The following PNPLA6 variants were observed in gnomAD, a reference collection of about 807,000 sequenced individuals.
The protein encoded by PNPLA6 is patatin like domain 6, lysophospholipase, also known as patatin-like phospholipase domain-containing protein 6.
In PNPLA6, 105 loss-of-function variants were observed where a neutral mutation model predicts 153.7. The observed-to-expected ratio is 0.68, with a 90% confidence interval of 0.58 to 0.80. The LOEUF (loss-of-function observed/expected upper bound fraction) is 0.80. Ranked by LOEUF, PNPLA6 falls within the 30% of genes least tolerant of loss-of-function variation. The probability of loss-of-function intolerance (pLI) is 0.00; values close to 1 mark genes in which losing one functional copy is unlikely to be tolerated. For missense variants in PNPLA6, 1,423 were observed against 1,919.3 expected (o/e 0.74, Z 4.83); for synonymous variants, 825 against 822.2 (o/e 1.00, Z -0.06).
rs747377799 is a variant in PNPLA6, at chr19:7,561,026, C to T, written c.3829C>T (p.Pro1277Ser). The change falls in exon 30 of 32, where the codon CCA (proline) becomes TCA (serine). Residue 1277 changes from proline to serine, a missense_variant. Pro to Ser is a moderately conservative substitution (Grantham distance 74). Around this residue, in one of 10 missense-constraint regions of PNPLA6, gnomAD observed 643 missense variants for 835.2 expected, o/e 0.77. Coordinates refer to ENST00000600737, the MANE Select transcript of PNPLA6 (RefSeq NM_001166114.2). ...TGTCACCCCACAGGTGCTTGCCTTC[C>T]CAAGCTCTGGCTTCACTGACTTGGC... ...ESRRADVLAFPSSGFTDLAEI... is the reference protein window; with the variant it reads ...ESRRADVLAFSSSGFTDLAEI... 2 of 1,611,596 alleles carry T rather than the reference C, an allele frequency of 1.2e-6. No homozygotes were observed.
intron 27 of PNPLA6, among the ~76,000 whole-genome samples, chr19:7,558,575 C>T (rs189426788): frequency 3.3e-5 from 5 of 152,164 alleles, no homozygotes; most frequent in African/African-American, 7.2e-5. Context: ...GAGGTTGCAT[C>T]GAGCCCAGAT....
chr19:7,548,801 CTTTTT>C (rs1159787936), intron 13 of PNPLA6, among the ~76,000 whole-genome samples: 1 of 67,230 alleles, frequency 1.5e-5, no homozygotes, highest in African/African-American at 4.6e-5. Context: ...AAAAATTTTT[CTTTTT>C]TTTTTTTTTT....
chr19:7,555,626 G>T lies in PNPLA6; in HGVS notation c.2956G>T (p.Val986Leu). 1 of 1,612,482 alleles carries T rather than the reference G, an allele frequency of 6.2e-7. No homozygotes were observed. ...CGGCAGGGGCTGCTCGCACATCGGA[G>T]TACTAAAGGCATTAGAGGAGGCGGG... ...GGARGCSHIG[V>L]LKALEEAGVP... Residue 986 changes from valine (V) to leucine (L), a missense_variant, in exon 24 of 32, where the codon GTA becomes TTA. Around this residue, in one of 10 missense-constraint regions of PNPLA6, gnomAD observed 643 missense variants for 835.2 expected, o/e 0.77. Transcript: ENST00000600737. This position sits in a 1 kb window ranked among gnomAD's most constrained non-coding sequence, Gnocchi z 6.3.
In PNPLA6 at chr19:7,540,769, AGGTTGAAGGAAATCACAG is replaced by A; in HGVS notation, c.795+63_795+80del. ...GGTGCAAGGTCCCACCCAAGGGACT[AGGTTGAAGGAAATCACAG>A]GGTCCCCAATCTCTGGTTCATCCGT... On this transcript the variant is annotated intron_variant, in intron 6 of 31. Transcript: ENST00000600737. The surrounding 1 kb of genome is among the most constrained non-coding windows in gnomAD (Gnocchi z 6.8). 6.5e-7 allele frequency: 1 copy of A among 1,539,900 alleles called. No individual in the cohort carries two copies.
chr19:7,554,991 G>C lies in PNPLA6; in HGVS notation c.2733G>C (p.Trp911Cys). 6.3e-7 allele frequency: 1 copy of C among 1,594,106 alleles called. No homozygotes were observed. Among genetic ancestry groups the C allele is most frequent in the East Asian group, 2.2e-5 (1 of 44,688 alleles). Reference sequence around the variant, plus strand: ...CGGGCCCCACGCGCACCGTGGAGTGGCTAAATATGCGCAGCTGGTGCTCGG... The same window carrying C: ...CGGGCCCCACGCGCACCGTGGAGTGCCTAAATATGCGCAGCTGGTGCTCGG... The part of the protein sequence containing the change: ...EGAGPTRTVE[W>C]LNMRSWCSGH... Residue 911 changes from tryptophan to cysteine, a missense_variant, in exon 22 of 32, where the codon TGG (tryptophan) becomes TGC (cysteine). Transcript: ENST00000600737.
chr19:7,546,476 C>CA (rs1377213859), intron 13 of PNPLA6, among the ~76,000 whole-genome samples: 2 of 151,628 alleles, frequency 1.3e-5, no homozygotes, highest in African/African-American at 2.4e-5. Context: ...AAAAAACAAA[C>CA]AAAAAAAATT....
chr19:7,546,410 CTT>C (rs776022439), intron 13 of PNPLA6, among the ~76,000 whole-genome samples: 55 of 152,128 alleles, frequency 3.6e-4, no homozygotes, highest in Non-Finnish European at 6.8e-4. Context: ...GGGAGGATCT[CTT>C]GAGTCCAGGA....
intron 13 of PNPLA6, among the ~76,000 whole-genome samples, chr19:7,546,527 G>T (rs1035106405): frequency 6.6e-6 from 1 of 152,150 alleles, no homozygotes; most frequent in South Asian, 2.1e-4. Context: ...CCAGCTACAC[G>T]GGAAGCTGAG....
In PNPLA6 at chr19:7,536,292, G is replaced by C. The variant is rs746162865; in HGVS notation, c.315+19G>C. The C allele has an allele frequency of 2.5e-6, 4 of 1,594,588 alleles. No homozygotes were observed. The Admixed American group carries it at 6.7e-5, about 27-fold the overall frequency. On this transcript the variant is annotated intron_variant, in intron 2 of 31. Transcript: ENST00000600737. ...GCGGAAGGTGAGTCCGGGACCCCTG[G>C]GGTCCGCCCTGACCACACAGAGGCC...
At chr19:7,553,035 TG>T (rs961487207) in intron 18 of PNPLA6, among the ~76,000 whole-genome samples, 1 of 50,366 alleles carries the variant, frequency 2.0e-5, no homozygotes, top group African/African-American at 8.0e-5. Flanking sequence ...TGATGGGGGT[TG>T]GGGGGTAAGT....
In PNPLA6 at chr19:7,556,433, G is replaced by T; in HGVS notation, c.3094-20G>T. ...CCCCATGTAACTCCTATTTGACCCT[G>T]TCTGGCCCCTTGTCCCTAGAGCATG... On this transcript the variant is annotated intron_variant, in intron 24 of 31. Transcript: ENST00000600737. 4.7e-6 allele frequency: 7 copies of T among 1,495,734 alleles called. No homozygotes were observed. Among genetic ancestry groups the T allele is most frequent in the Non-Finnish European group, 5.6e-6 (6 of 1,072,136 alleles). 92.7% of individuals were successfully genotyped at this position (1,495,734 alleles called of 1,614,324 possible). A position where few individuals can be genotyped will look rare whatever the true frequency, so the allele number is the denominator to read the frequency against.
upstream of PNPLA6, chr19:7,535,588 G>A (rs764534459): frequency 1.2e-6 from 2 of 1,603,460 alleles, no homozygotes; most frequent in South Asian, 2.2e-5. The surrounding 1 kb of genome is among the most constrained non-coding windows in gnomAD (Gnocchi z 5.0). Flanking sequence ...GTAAGGGGTG[G>A]GGCGGAGACC....
Position 7,536,560 on chromosome 19 carries a change from G to C in PNPLA6, c.413+14G>C. 1 of 1,557,988 alleles carries C rather than the reference G, an allele frequency of 6.4e-7. No individual in the cohort carries two copies. The highest frequency in any genetic ancestry group is 1.1e-5 in the South Asian group (1 of 89,936). On this transcript the variant is annotated intron_variant, in intron 3 of 31. Coordinates refer to ENST00000600737, the MANE Select transcript of PNPLA6 (RefSeq NM_001166114.2). ...CATTGCCAAGAAGTAAGGCTGTGCT[G>C]GGTGTGACCTGGTATTAGGGGTTAT... is the stretch of plus-strand genomic sequence containing the variant.
intron 13 of PNPLA6, among the ~76,000 whole-genome samples, chr19:7,548,514 C>T (rs991355278): frequency 1.3e-5 from 2 of 152,000 alleles, no homozygotes; most frequent in African/African-American, 2.4e-5. Context: ...GCAGGGTGGA[C>T]AAGCTTGCTT....
Position 7,555,387 on chromosome 19 carries a change from T to C in PNPLA6, c.2936+20T>C. On this transcript the variant is annotated intron_variant, in intron 23 of 31. Coordinates refer to ENST00000600737, the MANE Select transcript of PNPLA6 (RefSeq NM_001166114.2). The surrounding 1 kb of genome is among the most constrained non-coding windows in gnomAD (Gnocchi z 6.3). Reference sequence around the variant, plus strand: ...GGCCAGGTGAGGGCGGGGCTTGCTCTCTGGGGGCGGGGCCTGGATGTCCGA... The same window carrying C: ...GGCCAGGTGAGGGCGGGGCTTGCTCCCTGGGGGCGGGGCCTGGATGTCCGA... The C allele has an allele frequency of 1.5e-6, 2 of 1,363,404 alleles. No individual in the cohort carries two copies. Among genetic ancestry groups the C allele is most frequent in the Middle Eastern group, 3.7e-4 (2 of 5,360 alleles). 84.5% of individuals were successfully genotyped at this position (1,363,404 alleles called of 1,614,324 possible). A position where few individuals can be genotyped will look rare whatever the true frequency, so the allele number is the denominator to read the frequency against.
chr19:7,540,277 A>C lies in PNPLA6; in HGVS notation c.683A>C (p.Asp228Ala). 1 of 1,607,898 alleles carries C rather than the reference A, an allele frequency of 6.2e-7. No homozygotes were observed. ...GATGCCAGCATCTACGTGGTGCAGGACGGGCTGCTGGAGCTCTGTCTGCCA... is the reference window on the plus strand; with the variant it reads ...GATGCCAGCATCTACGTGGTGCAGGCCGGGCTGCTGGAGCTCTGTCTGCCA... ...QPDASIYVVQDGLLELCLPGP... is the reference protein window; with the variant it reads ...QPDASIYVVQAGLLELCLPGP... Residue 228 changes from aspartate to alanine, a missense_variant, in exon 5 of 32, where the codon GAC (aspartate) becomes GCC (alanine). Physicochemically the swap from Asp to Ala is moderately radical, Grantham distance 126. Around this residue, in one of 10 missense-constraint regions of PNPLA6, gnomAD observed 118 missense variants for 158.8 expected, o/e 0.74. Coordinates refer to ENST00000600737, the MANE Select transcript of PNPLA6 (RefSeq NM_001166114.2). This position sits in a 1 kb window ranked among gnomAD's most constrained non-coding sequence, Gnocchi z 6.8.
rs747176265 is a variant in PNPLA6, at chr19:7,557,298, C to G, written c.3397+14C>G. 6.8e-7 allele frequency: 1 copy of G among 1,467,542 alleles called. No homozygotes were observed. The highest frequency in any genetic ancestry group is 1.4e-5 in the African/African-American group (1 of 72,300). 90.9% of individuals were successfully genotyped at this position (1,467,542 alleles called of 1,614,324 possible). A position where few individuals can be genotyped will look rare whatever the true frequency, so the allele number is the denominator to read the frequency against. On this transcript the variant is annotated intron_variant, in intron 27 of 31. Transcript: ENST00000600737. Reference sequence around the variant, plus strand: ...ACAATCTGCCAGGCAAGTGGCCGCCCGCACCACCCGCACACGCAAGCACCT... The same window carrying G: ...ACAATCTGCCAGGCAAGTGGCCGCCGGCACCACCCGCACACGCAAGCACCT...
intron 18 of PNPLA6, among the ~76,000 whole-genome samples, chr19:7,552,604 A>T (rs538760875): frequency 3.0e-4 from 46 of 151,780 alleles, no homozygotes; most frequent in Non-Finnish European, 4.9e-4. Flanking sequence ...AAAGTACAAA[A>T]ATTAGTCGGG....
chr19:7,546,273 T>TG (rs544571640), intron 13 of PNPLA6, among the ~76,000 whole-genome samples: 8 of 152,144 alleles, frequency 5.3e-5, no homozygotes, highest in East Asian at 3.9e-4. Flanking sequence ...CAATATTTTT[T>TG]GGGGGGGTGT....
Sources: allele counts gnomAD v4.1 joint callset (sites outside exome capture counted in the v4.1 genomes callset), GRCh38; gene constraint gnomAD v4.1.1; regional missense constraint gnomAD v4.1.1; non-coding constraint Gnocchi (gnomAD v3.1); transcripts MANE v1.5; gene names NCBI Gene and HGNC (gene_info 2026-07-23, HGNC 2026-07-21).